LNX2: variants seen among roughly 807,000 people sequenced by gnomAD.
The protein encoded by LNX2 is ligand of numb-protein X 2.
LNX2 carries 35 observed loss-of-function variants against 66.2 expected under a neutral mutation model. The ratio of observed to expected loss-of-function variants is 0.53; its 90% CI spans 0.40 to 0.70. LNX2 has a LOEUF of 0.70. LNX2 is among the 30% of genes least tolerant of loss of function. The probability of loss-of-function intolerance (pLI) is 0.00; values close to 1 mark genes in which losing one functional copy is unlikely to be tolerated. For synonymous variants in LNX2, 337 were observed against 315.6 expected (o/e 1.07, Z -0.72); for missense variants, 791 against 850.8 (o/e 0.93, Z 0.87).
intron 2 of LNX2, among the ~76,000 whole-genome samples, chr13:27,569,961 C>G (rs1014824707): frequency 1.3e-5 from 2 of 152,122 alleles, no homozygotes; most frequent in South Asian, 2.1e-4. Context: ...AAATCACAAC[C>G]GTTAACCTGT....
intron 4 of LNX2, among the ~76,000 whole-genome samples, chr13:27,563,369 A>G (rs1174174936): frequency 1.3e-5 from 2 of 152,210 alleles, no homozygotes; most frequent in African/African-American, 4.8e-5. Flanking sequence ...GGTTAATTGT[A>G]ATTTCACTCT....
At chr13:27,613,976 A>G (rs9512765) in intron 1 of LNX2, among the ~76,000 whole-genome samples, 16,240 of 152,276 alleles carry the variant, frequency 0.11, 1,058 homozygotes, top group Non-Finnish European at 0.14. Flanking sequence ...AAAATCAGAT[A>G]GAAGTAAAAC....
chr13:27,556,821 G>A (rs999970167), intron 6 of LNX2, among the ~76,000 whole-genome samples: 1 of 152,170 alleles, frequency 6.6e-6, no homozygotes, highest in African/African-American at 2.4e-5. Context: ...AAAGTTGACA[G>A]AGTAGTACAA....
intron 1 of LNX2, among the ~76,000 whole-genome samples, chr13:27,587,962 A>G (rs1053738287): frequency 2.1e-5 from 3 of 142,620 alleles, no homozygotes; most frequent in Non-Finnish European, 4.5e-5. Flanking sequence ...CAGAGCTTGC[A>G]GTAAGCCGAG....
In LNX2 at chr13:27,567,680, G is replaced by T; in HGVS notation, c.815C>A (p.Ala272Asp). 1 of 1,613,924 alleles carries T rather than the reference G, an allele frequency of 6.2e-7. No homozygotes were observed. Residue 272 changes from alanine to aspartate, a missense_variant, in exon 4 of 10, where the codon GCC (alanine) becomes GAC (aspartate). Coordinates refer to ENST00000316334, the MANE Select transcript of LNX2 (RefSeq NM_153371.4). The stretch of plus-strand genomic sequence containing the variant: ...TCCAGCAAGAAGTCTCCCGTCTCTG[G>T]CAATGACCCCATCCCGATAGACCTC... ...IQEVYRDGVI[A>D]RDGRLLAGDQ...
intron 1 of LNX2, among the ~76,000 whole-genome samples, chr13:27,604,318 G>A (rs894463583): frequency 6.6e-6 from 1 of 152,072 alleles, no homozygotes; most frequent in Non-Finnish European, 1.5e-5. Flanking sequence ...GAGGAGAGCA[G>A]GCATGGCCAG....
At chr13:27,597,429 G>A (rs1381503699) in intron 1 of LNX2, among the ~76,000 whole-genome samples, 1 of 152,180 alleles carries the variant, frequency 6.6e-6, no homozygotes, top group African/African-American at 2.4e-5. Context: ...CAGTTATGGG[G>A]AACAAGGAAC....
chr13:27,594,134 T>C (rs1955572948), intron 1 of LNX2, among the ~76,000 whole-genome samples: 1 of 152,206 alleles, frequency 6.6e-6, no homozygotes, highest in South Asian at 2.1e-4. Context: ...GCCTAGTCAA[T>C]TTTCTTTTAA....
At position 27,556,229 on chromosome 13, in the gene LNX2, ATCTTACC is replaced by A; in HGVS notation, c.1546_1546+6del. On this transcript the variant is annotated splice_donor_variant and splice_donor_5th_base_variant and coding_sequence_variant and intron_variant, in exon 7 of 10. Coordinates refer to ENST00000316334, the MANE Select transcript of LNX2 (RefSeq NM_153371.4). LOFTEE classifies it high-confidence loss of function. ...ATGTGGTAAAATTTTTCAAGATCCC[ATCTTACC>A]TCTCTTTATTCTGCCATCTCGTGCA... The A allele has an allele frequency of 6.2e-7, 1 of 1,611,286 alleles. No homozygotes were observed. The highest frequency in any genetic ancestry group is 8.5e-7 in the Non-Finnish European group (1 of 1,178,958).
At chr13:27,552,138 A>G (rs796850114) in intron 8 of LNX2, among the ~76,000 whole-genome samples, 16 of 152,324 alleles carry the variant, frequency 1.1e-4, no homozygotes, top group African/African-American at 3.4e-4. Flanking sequence ...ACACCAGAAA[A>G]TGCTCTGAAA....
chr13:27,598,736 G>C (rs758680152), intron 1 of LNX2, among the ~76,000 whole-genome samples: 18 of 152,118 alleles, frequency 1.2e-4, no homozygotes, highest in Non-Finnish European at 2.1e-4. Flanking sequence ...AGTATATACT[G>C]TACCTAGTAC....
intron 1 of LNX2, among the ~76,000 whole-genome samples, chr13:27,586,455 C>A (rs1955487917): frequency 6.6e-6 from 1 of 152,214 alleles, no homozygotes; most frequent in South Asian, 2.1e-4. Context: ...TGTGTGCAAG[C>A]TGGCTGTACT....
intron 7 of LNX2, among the ~76,000 whole-genome samples, chr13:27,554,668 C>T (rs1445987691): frequency 6.6e-6 from 1 of 152,132 alleles, no homozygotes; most frequent in Non-Finnish European, 1.5e-5. Flanking sequence ...CACTTTCTGG[C>T]TATTGTGAAT....
In LNX2 at chr13:27,562,521, C is replaced by G. The variant is rs762330619; in HGVS notation, c.1116G>C (p.Gly372=). ...PGVFILDLLE[G]GLAAQDGRLS... ...GCCTGCCGTCCTGGGCAGCCAACCC[C>G]CCTTCCAACAGGTCAAGAATAAAAA... Residue 372 remains glycine, a synonymous_variant, in exon 5 of 10, where the codon GGG becomes GGC. Coordinates refer to ENST00000316334, the MANE Select transcript of LNX2 (RefSeq NM_153371.4). 6.2e-7 allele frequency: 1 copy of G among 1,614,156 alleles called. No homozygotes were observed. The highest frequency in any genetic ancestry group is 1.1e-5 in the South Asian group (1 of 91,086).
intron 2 of LNX2, among the ~76,000 whole-genome samples, chr13:27,576,677 A>G (rs1174527817): frequency 1.3e-5 from 2 of 151,902 alleles, no homozygotes; most frequent in Non-Finnish European, 2.9e-5. Flanking sequence ...GTGAGCCAAG[A>G]TTGCACTGCT....
At chr13:27,590,116 AT>A (rs1955531841) in intron 1 of LNX2, among the ~76,000 whole-genome samples, 1 of 151,734 alleles carries the variant, frequency 6.6e-6, no homozygotes, top group South Asian at 2.1e-4. Flanking sequence ...CCCCCGGCTA[AT>A]TTTTTTGTAT....
intron 1 of LNX2, among the ~76,000 whole-genome samples, chr13:27,603,074 T>C (rs1955676333): frequency 1.3e-5 from 2 of 152,282 alleles, no homozygotes; most frequent in Middle Eastern, 3.4e-3. Flanking sequence ...ATGAAATAAT[T>C]ATGCTGTCAA....
intron 2 of LNX2, among the ~76,000 whole-genome samples, chr13:27,573,743 G>A (rs1955311201): frequency 6.6e-6 from 1 of 152,092 alleles, no homozygotes; most frequent in South Asian, 2.1e-4. Context: ...AAAATGAGCA[G>A]AGACTTTACA....
At chr13:27,591,155 T>C (rs1955543000) in intron 1 of LNX2, among the ~76,000 whole-genome samples, 2 of 152,204 alleles carry the variant, frequency 1.3e-5, no homozygotes, top group African/African-American at 4.8e-5. Context: ...GGCCTTGATG[T>C]TTACACAGAA....
Sources: gnomAD v4.1 joint callset for allele counts (sites outside exome capture counted in the v4.1 genomes callset) on GRCh38, gnomAD v4.1.1 for gene constraint, MANE v1.5 for transcripts, NCBI Gene and HGNC (gene_info 2026-07-23, HGNC 2026-07-21) for gene names.